Variants in KLHL25 observed in about 807,000 individuals in gnomAD.
The protein encoded by KLHL25 is kelch like family member 25.
KLHL25 carries 41 observed loss-of-function variants against 30.0 expected under a neutral mutation model. That is an observed-to-expected ratio of 1.37 (90% CI 1.07 to 1.78). The LOEUF (loss-of-function observed/expected upper bound fraction) is 1.78. Ranked by LOEUF, KLHL25 falls within the 40% of genes most tolerant of loss-of-function variation. The pLI is 0.00. For synonymous variants in KLHL25, 399 were observed against 355.3 expected (o/e 1.12, Z -1.38); for missense variants, 971 against 824.5 (o/e 1.18, Z -2.18).
rs757235511 is a variant in KLHL25 at position 85,769,806 on chromosome 15, G to A, written c.5C>T (p.Ser2Leu). 3.1e-6 allele frequency: 5 copies of A among 1,604,490 alleles called. No homozygotes were observed. The highest frequency in any genetic ancestry group is 2.2e-5 in the South Asian group (2 of 90,986). MSVSVHETRKSR... is the reference protein window; with the variant it reads MLVSVHETRKSR... ...CTTGCGGGTCTCATGGACACTGACCGACATGGTGCGTCAGCTTGTGGGGGA... is the reference window on the plus strand; with the variant it reads ...CTTGCGGGTCTCATGGACACTGACCAACATGGTGCGTCAGCTTGTGGGGGA... Residue 2 changes from serine (S) to leucine (L), a missense_variant, in exon 2 of 3, where the codon TCG becomes TTG. Ser to Leu is a moderately radical substitution (Grantham distance 145, BLOSUM62 -2). Coordinates refer to ENST00000337975, the MANE Select transcript of KLHL25 (RefSeq NM_022480.4).
At position 85,768,893 on chromosome 15, in the gene KLHL25, C is replaced by A. The variant is rs373429134; in HGVS notation, c.918G>T (p.Met306Ile). 63 of 1,613,256 alleles carry A rather than the reference C, an allele frequency of 3.9e-5. No homozygotes were observed. Among genetic ancestry groups the A allele is most frequent in the Middle Eastern group, 1.6e-4 (1 of 6,082 alleles). The change falls in exon 2 of 3, where the codon ATG becomes ATT. Residue 306 changes from methionine to isoleucine, a missense_variant. Transcript: ENST00000337975. The part of the protein sequence containing the change: ...TLLILGGQTF[M>I]CDKIYQVDHK... ...GGTCCACCTGGTAGATCTTGTCACA[C>A]ATGAAGGTCTGGCCCCCCAGGATGA... is the stretch of plus-strand genomic sequence containing the variant.
intron 1 of KLHL25, among the ~76,000 whole-genome samples, chr15:85,783,146 C>T (rs371936276): frequency 6.6e-6 from 1 of 152,320 alleles, no homozygotes; most frequent in East Asian, 1.9e-4. Flanking sequence ...ATCGCCCAAG[C>T]TGGAGTGCAG....
intron 1 of KLHL25, among the ~76,000 whole-genome samples, chr15:85,776,640 CT>C (rs1211562789): frequency 3.3e-5 from 5 of 151,802 alleles, no homozygotes; most frequent in Admixed American, 3.3e-4. Flanking sequence ...GTGAAAAGAT[CT>C]GAGGCCGGGC....
chr15:85,788,522 A>C (rs1432277057), intron 1 of KLHL25, among the ~76,000 whole-genome samples: 1 of 152,040 alleles, frequency 6.6e-6, no homozygotes, highest in South Asian at 2.1e-4. Flanking sequence ...CAGATGGGGG[A>C]AAAAAATTCC....
Position 85,769,732 on chromosome 15 carries a change from A to T in KLHL25, c.79T>A (p.Ser27Thr). 6.2e-7 allele frequency: 1 copy of T among 1,613,812 alleles called. No homozygotes were observed. Among genetic ancestry groups the T allele is most frequent in the East Asian group, 2.2e-5 (1 of 44,876 alleles). The part of the protein sequence containing the change: ...SMNVTLFHKA[S>T]HPDCVLAHLN... ...TGGGCCAGCACACAGTCCGGGTGGG[A>T]GGCCTTGTGGAAGAGGGTGACGTTC... The change falls in exon 2 of 3, where the codon TCC (serine) becomes ACC (threonine). Residue 27 changes from serine (S) to threonine (T), a missense_variant. By Grantham distance (58) the Ser-to-Thr change is moderately conservative. Coordinates refer to ENST00000337975, the MANE Select transcript of KLHL25 (RefSeq NM_022480.4).
chr15:85,790,625 C>T (rs565694395), intron 1 of KLHL25, among the ~76,000 whole-genome samples: 6 of 152,288 alleles, frequency 3.9e-5, no homozygotes, highest in Non-Finnish European at 5.9e-5. Context: ...GGGCCAAGCA[C>T]GACTCCCCTA....
intron 1 of KLHL25, among the ~76,000 whole-genome samples, chr15:85,773,337 C>T (rs1403097180): frequency 1.3e-5 from 2 of 152,240 alleles, no homozygotes; most frequent in African/African-American, 4.8e-5. Context: ...AGCCCAGCCA[C>T]TGTCAAGACC....
At chr15:85,791,172 G>A (rs2089813839) in intron 1 of KLHL25, among the ~76,000 whole-genome samples, 1 of 131,182 alleles carries the variant, frequency 7.6e-6, no homozygotes, top group Non-Finnish European at 1.6e-5. Flanking sequence ...TCCAGCCTGG[G>A]CTACAAGGTA....
intron 1 of KLHL25, 97 bp downstream of exon 1, chr15:85,794,669 C>T (rs1275499530): frequency 6.6e-6 from 1 of 152,106 alleles, no homozygotes. Flanking sequence ...AGCGCTTGGT[C>T]CCGGCCCGGC....
chr15:85,768,350 A>T lies in KLHL25; in HGVS notation c.1461T>A (p.Ala487=). 6.2e-7 allele frequency: 1 copy of T among 1,613,760 alleles called. No homozygotes were observed. Among genetic ancestry groups the T allele is most frequent in the Non-Finnish European group, 8.5e-7 (1 of 1,180,028 alleles). The part of the protein sequence containing the change: ...ECPQPWRYTA[A]AVLGSQIFIM... Reference sequence around the variant, plus strand: ...TGAAGATCTGGCTGCCCAGGACGGCAGCGGCTGTGTACCGCCAAGGCTGGG... The same window carrying T: ...TGAAGATCTGGCTGCCCAGGACGGCTGCGGCTGTGTACCGCCAAGGCTGGG... Residue 487 remains alanine, a synonymous_variant, in exon 2 of 3, where the codon GCT becomes GCA. Coordinates refer to ENST00000337975, the MANE Select transcript of KLHL25 (RefSeq NM_022480.4).
rs1211939398 is a variant in KLHL25, at chr15:85,789,832, A to C, written c.-11+4934T>G. ...TCCCCTGATGCAGTCTTCTGTCTCC[A>C]CCAGCCCCTTCGCAGGAGGCCTCAA... On this transcript the variant is annotated intron_variant, in intron 1 of 2. Coordinates refer to ENST00000337975, the MANE Select transcript of KLHL25 (RefSeq NM_022480.4). This position sits in a 1 kb window ranked among gnomAD's most constrained non-coding sequence, Gnocchi z 4.1. Among the ~76,000 whole-genome samples the C allele has an allele frequency of 6.6e-6, 1 of 152,064 alleles. No homozygotes were observed. Among genetic ancestry groups the C allele is most frequent in the Non-Finnish European group, 1.5e-5 (1 of 68,008 alleles).
chr15:85,777,421 T>G (rs948708918), intron 1 of KLHL25, among the ~76,000 whole-genome samples: 11 of 152,090 alleles, frequency 7.2e-5, no homozygotes, highest in Non-Finnish European at 1.6e-4. Flanking sequence ...ACAGTGTCCC[T>G]TGTGGACAAT....
intron 1 of KLHL25, among the ~76,000 whole-genome samples, chr15:85,777,941 T>C (rs569444927): frequency 6.6e-6 from 1 of 152,336 alleles, no homozygotes; most frequent in African/African-American, 2.4e-5. Context: ...GCATTTTACA[T>C]ACAAAATTTA....
At position 85,783,244 on chromosome 15, in the gene KLHL25, C is replaced by T. The variant is rs891140263; in HGVS notation, c.-11+11522G>A. ...GCCTCCCAAGTAGCTGGGATTACCACGGCTGGCTAATTTTTGTATTTTTTT... is the reference window on the plus strand; with the variant it reads ...GCCTCCCAAGTAGCTGGGATTACCATGGCTGGCTAATTTTTGTATTTTTTT... On this transcript the variant is annotated intron_variant, in intron 1 of 2. Transcript: ENST00000337975. Among the ~76,000 whole-genome samples the T allele has an allele frequency of 4.3e-4, 65 of 151,454 alleles. 1 individual carries two copies. The highest frequency in any genetic ancestry group is 2.0e-4 in the Admixed American group (3 of 15,176).
rs550464276 is a variant in KLHL25, at chr15:85,765,849, G to T, written c.*24+2168C>A. ...GTCTCAAAAAAAAAAAAAAGAAAAA[G>T]AAAAAAGAAAAATAAAAGAAAAAAG... is the stretch of plus-strand genomic sequence containing the variant. On this transcript the variant is annotated intron_variant, in intron 2 of 2. Coordinates refer to ENST00000337975, the MANE Select transcript of KLHL25 (RefSeq NM_022480.4). 1.3e-4 allele frequency among the ~76,000 whole-genome samples: 19 copies of T among 149,468 alleles called. No individual in the cohort carries two copies. In the South Asian group the frequency reaches 3.8e-3, roughly 30 times the overall value.
intron 1 of KLHL25, among the ~76,000 whole-genome samples, chr15:85,791,793 A>C (rs2089819121): frequency 6.6e-6 from 1 of 152,196 alleles, no homozygotes; most frequent in South Asian, 2.1e-4. Context: ...TCTGCATAGT[A>C]TGGTGGTTAA....
chr15:85,768,344 G>A lies in KLHL25; in HGVS notation c.1467C>T (p.Val489=), dbSNP rs544442774. Residue 489 remains valine, a synonymous_variant, in exon 2 of 3, where the codon GTC becomes GTT. Transcript: ENST00000337975. ...PQPWRYTAAA[V]LGSQIFIMGG... ...CCATGATGAAGATCTGGCTGCCCAG[G>A]ACGGCAGCGGCTGTGTACCGCCAAG... is the stretch of plus-strand genomic sequence containing the variant. 1 of 1,613,798 alleles carries A rather than the reference G, an allele frequency of 6.2e-7. No individual in the cohort carries two copies. Among genetic ancestry groups the A allele is most frequent in the Admixed American group, 1.7e-5 (1 of 60,032 alleles).
chr15:85,765,363 C>CG (rs1410895243), intron 2 of KLHL25, among the ~76,000 whole-genome samples: 1 of 151,914 alleles, frequency 6.6e-6, no homozygotes, highest in Non-Finnish European at 1.5e-5. Flanking sequence ...CGAAGGCTCA[C>CG]ACCTGTAATC....
intron 1 of KLHL25, among the ~76,000 whole-genome samples, chr15:85,788,056 CA>C (rs60547525): frequency 0.14 from 7,819 of 57,842 alleles, 135 homozygotes; most frequent in East Asian, 0.24. Context: ...AACTAGATCT[CA>C]AAAAAAAAAA....
Sources: gnomAD v4.1 joint callset for allele counts (sites outside exome capture counted in the v4.1 genomes callset) on GRCh38, gnomAD v4.1.1 for gene constraint, Gnocchi (gnomAD v3.1) non-coding constraint, MANE v1.5 for transcripts, NCBI Gene and HGNC (gene_info 2026-07-23, HGNC 2026-07-21) for gene names.